Variants in ZBTB20 observed in about 807,000 individuals in gnomAD.
ZBTB20 encodes zinc finger and BTB domain containing 20.
In ZBTB20, 9 loss-of-function variants were observed where a neutral mutation model predicts 56.9. The ratio of observed to expected loss-of-function variants is 0.16; its 90% CI spans 0.10 to 0.28. The LOEUF is 0.28. ZBTB20 is among the 10% of genes least tolerant of loss of function. The pLI, the probability that ZBTB20 is intolerant of heterozygous loss-of-function variation, is 1.00. For missense variants in ZBTB20, 655 were observed against 1,003.0 expected, an observed-to-expected ratio of 0.65 and a Z score of 4.69; for synonymous variants, 417 against 420.7, an observed-to-expected ratio of 0.99 and a Z score of 0.11.
chr3:114,378,574 A>C (rs71321409), intron 10 of ZBTB20, among the ~76,000 whole-genome samples: 23 of 152,368 alleles, frequency 1.5e-4, no homozygotes, highest in South Asian at 6.2e-4. Context: ...TTCTATTCAC[A>C]AAACATTCAT....
chr3:114,912,882 T>A (rs1198952583), intron 3 of ZBTB20, among the ~76,000 whole-genome samples: 2 of 151,950 alleles, frequency 1.3e-5, no homozygotes, highest in Admixed American at 1.3e-4. Flanking sequence ...TTTCTGTGCC[T>A]CACTGACACA....
intron 7 of ZBTB20, among the ~76,000 whole-genome samples, chr3:114,469,010 C>CAAAAAAAAAAA (rs1164804884): frequency 3.0e-5 from 2 of 67,054 alleles, no homozygotes; most frequent in African/African-American, 5.0e-5. Flanking sequence ...TCAAGAGAAG[C>CAAAAAAAAAAA]AAAAAAAAAA....
At chr3:114,938,705 G>A (rs2076631108) in intron 3 of ZBTB20, among the ~76,000 whole-genome samples, 1 of 145,582 alleles carries the variant, frequency 6.9e-6, no homozygotes, top group Non-Finnish European at 1.5e-5. Flanking sequence ...ATAGCATTAG[G>A]AGAAATACCT....
chr3:114,906,982 C>T (rs915974495), intron 3 of ZBTB20, among the ~76,000 whole-genome samples: 1 of 151,716 alleles, frequency 6.6e-6, no homozygotes, highest in African/African-American at 2.4e-5. Context: ...AAAATAATTG[C>T]TACTATTATA....
chr3:115,067,365 C>G (rs1028293069), intron 2 of ZBTB20, among the ~76,000 whole-genome samples: 30 of 151,960 alleles, frequency 2.0e-4, no homozygotes, highest in Middle Eastern at 3.4e-3. Flanking sequence ...TATAGTTGAT[C>G]GAGTTAGTCA....
intron 6 of ZBTB20, among the ~76,000 whole-genome samples, chr3:114,508,789 G>T (rs2044967257): frequency 6.6e-6 from 1 of 152,128 alleles, no homozygotes; most frequent in African/African-American, 2.4e-5. Context: ...CAAAGAGTCA[G>T]CTATGCCAAT....
At chr3:114,721,032 G>C (rs1448860808) in intron 5 of ZBTB20, among the ~76,000 whole-genome samples, 2 of 152,162 alleles carry the variant, frequency 1.3e-5, no homozygotes, top group Non-Finnish European at 2.9e-5. Flanking sequence ...AAGGGCATGA[G>C]AGAAAGCATG....
At chr3:114,687,046 G>A (rs1259422916) in intron 6 of ZBTB20, among the ~76,000 whole-genome samples, 1 of 152,116 alleles carries the variant, frequency 6.6e-6, no homozygotes, top group East Asian at 1.9e-4. Context: ...AGGGAAATGG[G>A]CCTGAGCAAA....
At chr3:114,521,910 AG>A (rs1289954135) in intron 6 of ZBTB20, among the ~76,000 whole-genome samples, 1 of 152,170 alleles carries the variant, frequency 6.6e-6, no homozygotes, top group Non-Finnish European at 1.5e-5. Context: ...CTCCAAACCC[AG>A]GGAAAGAATC....
chr3:115,041,068 G>A (rs1208910947), intron 2 of ZBTB20, among the ~76,000 whole-genome samples: 2 of 152,108 alleles, frequency 1.3e-5, no homozygotes, highest in Non-Finnish European at 2.9e-5. Flanking sequence ...CCATGTTGGT[G>A]CATGATGGAA....
chr3:114,781,098 T>A (rs1402605965), intron 5 of ZBTB20, among the ~76,000 whole-genome samples: 12 of 152,142 alleles, frequency 7.9e-5, no homozygotes, highest in Admixed American at 5.2e-4. Flanking sequence ...AAGGAATAAA[T>A]ATATATACCT....
At chr3:114,424,992 A>T (rs1395407696) in intron 7 of ZBTB20, among the ~76,000 whole-genome samples, 1 of 152,176 alleles carries the variant, frequency 6.6e-6, no homozygotes, top group Non-Finnish European at 1.5e-5. Context: ...AGACATCCCT[A>T]GAATTTTCCC....
At chr3:114,580,253 T>C (rs2054515341) in intron 6 of ZBTB20, among the ~76,000 whole-genome samples, 1 of 151,566 alleles carries the variant, frequency 6.6e-6, no homozygotes, top group African/African-American at 2.4e-5. Context: ...TAGTGGAAAA[T>C]TTTATCATAT....
At position 114,884,745 on chromosome 3, in the gene ZBTB20, A is replaced by G. The variant is rs866234247; in HGVS notation, c.-417+15559T>C. Among the ~76,000 whole-genome samples, 96 of 152,320 alleles carry G rather than the reference A, an allele frequency of 6.3e-4. No homozygotes were observed. The Middle Eastern group carries it at 0.014, about 22-fold the overall frequency. Reference sequence around the variant, plus strand: ...GTTCTATGTTAAATCTTGGGCTCCTATGAGACTAATAAAAAAAAATAAGTT... The same window carrying G: ...GTTCTATGTTAAATCTTGGGCTCCTGTGAGACTAATAAAAAAAAATAAGTT... On this transcript the variant is annotated intron_variant, in intron 4 of 11. Coordinates refer to ENST00000675478, the MANE Select transcript of ZBTB20 (RefSeq NM_001348800.3).
chr3:115,093,398 C>T (rs1345713303), intron 1 of ZBTB20, among the ~76,000 whole-genome samples: 1 of 152,090 alleles, frequency 6.6e-6, no homozygotes, highest in Non-Finnish European at 1.5e-5. Flanking sequence ...ATTCATCCAA[C>T]ATTTAGAAAG....
chr3:114,349,816 T>C (rs1186020843), intron 11 of ZBTB20, among the ~76,000 whole-genome samples: 1 of 152,224 alleles, frequency 6.6e-6, no homozygotes, highest in Non-Finnish European at 1.5e-5. Context: ...CGTATCACGA[T>C]TATTCTCATT....
intron 1 of ZBTB20, among the ~76,000 whole-genome samples, chr3:115,141,436 A>G (rs901757404): frequency 1.3e-5 from 2 of 152,194 alleles, no homozygotes; most frequent in African/African-American, 4.8e-5. Context: ...AAACAAGTAC[A>G]CTTGAAACCA....
intron 4 of ZBTB20, among the ~76,000 whole-genome samples, chr3:114,871,800 T>A (rs1404178154): frequency 2.0e-5 from 3 of 152,136 alleles, no homozygotes; most frequent in Non-Finnish European, 4.4e-5. Context: ...ATGATCATCT[T>A]ATTGCAACAC....
At chr3:114,467,704 C>G (rs2092606869) in intron 7 of ZBTB20, among the ~76,000 whole-genome samples, 1 of 152,150 alleles carries the variant, frequency 6.6e-6, no homozygotes, top group Admixed American at 6.6e-5. Flanking sequence ...TGAAGCAAAA[C>G]TATATCTGGA....
Sources: allele counts gnomAD v4.1 joint callset (sites outside exome capture counted in the v4.1 genomes callset), GRCh38; gene constraint gnomAD v4.1.1; transcripts MANE v1.5; gene names NCBI Gene and HGNC (gene_info 2026-07-23, HGNC 2026-07-21).